Variants in IGSF21 observed in about 807,000 individuals in gnomAD.
IGSF21 encodes the protein immunoglobulin superfamily member 21.
A neutral mutation model predicts 46.8 loss-of-function variants in IGSF21; 28 were observed. The ratio of observed to expected loss-of-function variants is 0.60; its 90% CI spans 0.44 to 0.82. The LOEUF (loss-of-function observed/expected upper bound fraction) is 0.82. Ranked by LOEUF, IGSF21 falls within the 40% of genes least tolerant of loss-of-function variation. The pLI is 0.00. For synonymous variants in IGSF21, 284 were observed against 273.6 expected (o/e 1.04, Z -0.38); for missense variants, 624 against 665.5 (o/e 0.94, Z 0.69).
intron 2 of IGSF21, among the ~76,000 whole-genome samples, chr1:18,287,230 A>C (rs2085223163): frequency 6.7e-6 from 1 of 150,074 alleles, no homozygotes; most frequent in Non-Finnish European, 1.5e-5. Context: ...TAAAAATAAA[A>C]ATAAAAATAC....
At chr1:18,150,610 C>T (rs991171458) in intron 1 of IGSF21, among the ~76,000 whole-genome samples, 2 of 152,174 alleles carry the variant, frequency 1.3e-5, no homozygotes, top group African/African-American at 4.8e-5. Context: ...TAACTTCATA[C>T]CTACTTCAGG....
intron 2 of IGSF21, among the ~76,000 whole-genome samples, chr1:18,277,340 C>T (rs974745279): frequency 6.6e-6 from 1 of 152,184 alleles, no homozygotes; most frequent in Admixed American, 6.5e-5. Flanking sequence ...GCACGGAGCA[C>T]TTGGTCCTGA....
intron 2 of IGSF21, among the ~76,000 whole-genome samples, chr1:18,234,187 C>T (rs1175869862): frequency 6.6e-6 from 1 of 152,122 alleles, no homozygotes; most frequent in African/African-American, 2.4e-5. Context: ...TCAGATCTTA[C>T]AGATATAAGT....
intron 3 of IGSF21, among the ~76,000 whole-genome samples, chr1:18,298,164 G>A (rs2085328922): frequency 1.3e-5 from 2 of 152,194 alleles, no homozygotes; most frequent in Non-Finnish European, 2.9e-5. Flanking sequence ...GGGGAGGTCA[G>A]CTGACGTTCA....
chr1:18,252,088 T>A (rs1219676739), intron 2 of IGSF21, among the ~76,000 whole-genome samples: 1 of 128,534 alleles, frequency 7.8e-6, no homozygotes, highest in Non-Finnish European at 1.6e-5. Context: ...TCTCCCTCTG[T>A]CACCCCGGCT....
chr1:18,112,064 T>C (rs2086149799), intron 1 of IGSF21: 1 of 152,276 alleles, frequency 6.6e-6, no homozygotes, highest in Non-Finnish European at 1.5e-5. Flanking sequence ...ACTTGCTTAG[T>C]TAGGTGCCTG....
intron 1 of IGSF21, among the ~76,000 whole-genome samples, chr1:18,168,919 G>T (rs912522490): frequency 2.6e-5 from 4 of 152,176 alleles, no homozygotes; most frequent in Non-Finnish European, 5.9e-5. Context: ...AGGTGCTGGT[G>T]CAGGTGGACA....
chr1:18,180,790 G>A (rs954008075), intron 1 of IGSF21, among the ~76,000 whole-genome samples: 2 of 152,194 alleles, frequency 1.3e-5, no homozygotes, highest in African/African-American at 4.8e-5. Flanking sequence ...CAACCTTGAT[G>A]AGTTCTGCAG....
intron 2 of IGSF21, among the ~76,000 whole-genome samples, chr1:18,231,042 G>A (rs1419846887): frequency 1.3e-5 from 2 of 152,198 alleles, no homozygotes; most frequent in Admixed American, 6.5e-5. Flanking sequence ...TACAGAGCCC[G>A]GCTTGGAAGG....
intron 2 of IGSF21, among the ~76,000 whole-genome samples, chr1:18,282,953 C>T (rs1430943969): frequency 2.6e-5 from 4 of 152,212 alleles, no homozygotes; most frequent in South Asian, 2.1e-4. Context: ...GTCATCCCTA[C>T]GGATGCACAG....
intron 3 of IGSF21, among the ~76,000 whole-genome samples, chr1:18,332,199 A>G (rs190592934): frequency 1.7e-4 from 26 of 152,296 alleles, no homozygotes; most frequent in Admixed American, 9.1e-4. Context: ...CTATAAACAC[A>G]TCTTCTGCAG....
At chr1:18,292,871 A>G (rs1194313167) in intron 3 of IGSF21, among the ~76,000 whole-genome samples, 1 of 152,136 alleles carries the variant, frequency 6.6e-6, no homozygotes, top group East Asian at 1.9e-4. Flanking sequence ...ATTCATGAAG[A>G]GTGCACAGCT....
At chr1:18,161,179 C>T (rs2086618200) in intron 1 of IGSF21, among the ~76,000 whole-genome samples, 2 of 152,110 alleles carry the variant, frequency 1.3e-5, no homozygotes, top group Non-Finnish European at 2.9e-5. Context: ...GCACGGCCAG[C>T]CTCAGCCTCC....
intron 1 of IGSF21, among the ~76,000 whole-genome samples, chr1:18,224,361 C>G (rs1469218676): frequency 1.3e-5 from 2 of 152,178 alleles, no homozygotes. Context: ...GCTCTCTCCT[C>G]AATACCCCTA....
intron 2 of IGSF21, among the ~76,000 whole-genome samples, chr1:18,237,496 C>T (rs973827512): frequency 2.0e-5 from 3 of 152,196 alleles, no homozygotes; most frequent in East Asian, 1.9e-4. Flanking sequence ...GCCCCACAGA[C>T]GAGCTGCTTC....
At chr1:18,179,321 A>G (rs2124467431) in intron 1 of IGSF21, 1 of 152,342 alleles carries the variant, frequency 6.6e-6, no homozygotes, top group Non-Finnish European at 1.5e-5. Flanking sequence ...TGCCCAAAGC[A>G]TGGAGCAGAC....
At chr1:18,190,081 G>A (rs932629826) in intron 1 of IGSF21, among the ~76,000 whole-genome samples, 1 of 152,212 alleles carries the variant, frequency 6.6e-6, no homozygotes. Context: ...GCTGATCCAT[G>A]TCTGGGAATT....
intron 1 of IGSF21, among the ~76,000 whole-genome samples, chr1:18,181,755 T>C (rs78129245): frequency 6.4e-4 from 97 of 152,304 alleles, no homozygotes; most frequent in African/African-American, 2.3e-3. Flanking sequence ...CTTGGCAGCA[T>C]CTTTGGGCCA....
At chr1:18,242,738 C>G (rs768451887) in intron 2 of IGSF21, among the ~76,000 whole-genome samples, 2 of 152,206 alleles carry the variant, frequency 1.3e-5, no homozygotes, top group Non-Finnish European at 2.9e-5. Context: ...TGAAGCCTGT[C>G]TGAAATCGCA....
Sources: gnomAD v4.1 joint callset for allele counts (sites outside exome capture counted in the v4.1 genomes callset) on GRCh38, gnomAD v4.1.1 for gene constraint, MANE v1.5 for transcripts, NCBI Gene and HGNC (gene_info 2026-07-23, HGNC 2026-07-21) for gene names.